Variants in CHPT1 observed in about 807,000 individuals in gnomAD.
The protein encoded by CHPT1 is cholinephosphotransferase 1.
A neutral mutation model predicts 47.6 loss-of-function variants in CHPT1; 36 were observed. The ratio of observed to expected loss-of-function variants is 0.76; its 90% CI spans 0.58 to 1.00. The LOEUF (loss-of-function observed/expected upper bound fraction) is 1.00, where lower values mean the gene tolerates loss of function less well. CHPT1 is among the 50% of genes least tolerant of loss of function. The probability of loss-of-function intolerance (pLI) is 0.00; values close to 1 mark genes in which losing one functional copy is unlikely to be tolerated. For missense variants in CHPT1, 458 were observed against 498.1 expected (o/e 0.92, Z 0.77); for synonymous variants, 194 against 186.3 (o/e 1.04, Z -0.33).
At position 101,716,668 on chromosome 12, in the gene CHPT1, C is replaced by T. The variant is rs1284115800; in HGVS notation, c.564-60C>T. The stretch of plus-strand genomic sequence containing the variant: ...CTTTGCTATTTAATATGTGATGAAC[C>T]TCCATATTCAGGAATTTTATTTACA... On this transcript the variant is annotated intron_variant, in intron 3 of 8. Coordinates refer to ENST00000229266, the MANE Select transcript of CHPT1 (RefSeq NM_020244.3). The T allele has an allele frequency of 8.7e-6, 9 of 1,033,088 alleles. No homozygotes were observed. In the East Asian group the frequency reaches 1.7e-4, roughly 20 times the overall value. The allele number at this position is 1,033,088 out of a possible 1,614,324, so 64.0% of individuals were successfully genotyped here. A position where few individuals can be genotyped will look rare whatever the true frequency, so the allele number is the denominator to read the frequency against.
intron 8 of CHPT1, 151 bp downstream of exon 8, chr12:101,726,555 C>A: frequency 8.6e-7 from 1 of 1,158,224 alleles, no homozygotes; most frequent in Non-Finnish European, 1.1e-6. Flanking sequence ...CTGTAGATTT[C>A]ATTGTGTCTT....
chr12:101,721,670 C>A (rs1425694471), intron 5 of CHPT1, among the ~76,000 whole-genome samples: 1 of 152,154 alleles, frequency 6.6e-6, no homozygotes, highest in Non-Finnish European at 1.5e-5. Flanking sequence ...CTTAGGAATA[C>A]ATGTTGCTTG....
At position 101,709,388 on chromosome 12, in the gene CHPT1, C is replaced by CAA. The variant is rs544323245; in HGVS notation, c.274-4681_274-4680dup. On this transcript the variant is annotated intron_variant, in intron 1 of 8. Transcript: ENST00000229266. ...CTGGGCAACAGAGTGAGACCTGTGT[C>CAA]AAAAAAAAAAAAAAAAAAAAAAGTC... is the stretch of plus-strand genomic sequence containing the variant. Among the ~76,000 whole-genome samples the CAA allele has an allele frequency of 4.1e-3, 293 of 71,344 alleles. 8 individuals carry two copies. The highest frequency in any genetic ancestry group is 0.019 in the East Asian group (48 of 2,484). The allele number at this position is 71,344 out of a possible 152,430, so 46.8% of individuals were successfully genotyped here. A position where few individuals can be genotyped will look rare whatever the true frequency, so the allele number is the denominator to read the frequency against.
At chr12:101,716,260 A>G (rs959013308) in intron 3 of CHPT1, among the ~76,000 whole-genome samples, 3 of 152,296 alleles carry the variant, frequency 2.0e-5, no homozygotes, top group African/African-American at 7.2e-5. Context: ...TACAGTGACT[A>G]TTAGTACCTC....
chr12:101,702,821 G>A (rs1951572918), intron 1 of CHPT1, among the ~76,000 whole-genome samples: 1 of 152,074 alleles, frequency 6.6e-6, no homozygotes, highest in Non-Finnish European at 1.5e-5. Context: ...AGATTTCCAG[G>A]AGATAGAAGC....
intron 1 of CHPT1, among the ~76,000 whole-genome samples, chr12:101,699,040 CAG>C (rs1341781145): frequency 1.4e-4 from 22 of 152,298 alleles, no homozygotes; most frequent in Middle Eastern, 3.4e-3. Flanking sequence ...GTTGGATTAA[CAG>C]AAATACAGTG....
In CHPT1 at chr12:101,716,771, GT is replaced by G. The variant is rs756930625; in HGVS notation, c.608del (p.Val203GlyfsTer18). Reference sequence around the variant, plus strand: ...TCAGATAGCTTTAGTGATTGTCTTTGTGTTGTCTGCATTTGGAGGAGCAACA... The same window carrying G: ...TCAGATAGCTTTAGTGATTGTCTTTGGTTGTCTGCATTTGGAGGAGCAACA... ...EIQIALVIVF[V>X]LSAFGGATMW... On this transcript the variant is annotated frameshift_variant, in exon 4 of 9. Transcript: ENST00000229266. LOFTEE classifies it high-confidence loss of function. The G allele has an allele frequency of 1.9e-6, 3 of 1,608,550 alleles. No individual in the cohort carries two copies. Among genetic ancestry groups the G allele is most frequent in the Admixed American group, 3.4e-5 (2 of 58,988 alleles).
intron 1 of CHPT1, among the ~76,000 whole-genome samples, chr12:101,708,393 A>G (rs1951660714): frequency 2.0e-5 from 3 of 151,950 alleles, no homozygotes; most frequent in Admixed American, 6.5e-5. Context: ...TTTGTTTTCT[A>G]GAATAAATTT....
In CHPT1 at chr12:101,697,908, C is replaced by T. The variant is rs755874310; in HGVS notation, c.47C>T (p.Ala16Val). The change falls in exon 1 of 9, where the codon GCG becomes GTG. Residue 16 changes from alanine to valine, a missense_variant. Coordinates refer to ENST00000229266, the MANE Select transcript of CHPT1 (RefSeq NM_020244.3). ...GGGTCCGCGCCGCGCTGGCTGAGGG[C>T]GCTGAGCGAGCCGCTGAGCGCGGCG... ...GAGSAPRWLR[A>V]LSEPLSAAQL... The T allele has an allele frequency of 1.4e-6, 2 of 1,385,860 alleles. No individual in the cohort carries two copies. The highest frequency in any genetic ancestry group is 2.6e-4 in the Middle Eastern group (1 of 3,814). 85.8% of individuals were successfully genotyped at this position (1,385,860 alleles called of 1,614,324 possible). A position where few individuals can be genotyped will look rare whatever the true frequency, so the allele number is the denominator to read the frequency against.
chr12:101,698,780 C>A (rs917630360), intron 1 of CHPT1, among the ~76,000 whole-genome samples: 9 of 152,182 alleles, frequency 5.9e-5, no homozygotes, highest in Admixed American at 6.5e-5. Context: ...GCAATAATTA[C>A]ATTTGACCTT....
rs1274005845 is a variant in CHPT1, at chr12:101,697,882, C to T, written c.21C>T (p.Ala7=). 9 of 1,210,648 alleles carry T rather than the reference C, an allele frequency of 7.4e-6. No individual in the cohort carries two copies. Among genetic ancestry groups the T allele is most frequent in the African/African-American group, 3.2e-5 (2 of 63,008 alleles). The allele number at this position is 1,210,648 out of a possible 1,614,324, so 75.0% of individuals were successfully genotyped here. The change falls in exon 1 of 9, where the codon GCC becomes GCT. Residue 7 remains alanine, a synonymous_variant. Transcript: ENST00000229266. The part of the protein sequence containing the change: MAAGAG[A]GSAPRWLRAL... ...CGGCCATGGCGGCAGGCGCCGGGGCCGGGTCCGCGCCGCGCTGGCTGAGGG... is the reference window on the plus strand; with the variant it reads ...CGGCCATGGCGGCAGGCGCCGGGGCTGGGTCCGCGCCGCGCTGGCTGAGGG...
intron 1 of CHPT1, among the ~76,000 whole-genome samples, chr12:101,702,152 G>C (rs553081391): frequency 2.0e-5 from 3 of 152,292 alleles, no homozygotes; most frequent in African/African-American, 7.2e-5. Context: ...TGATAACCCA[G>C]TGATTTGAAT....
At chr12:101,723,092 A>C (rs1951881913) in intron 5 of CHPT1, 76 bp from the exon 6 acceptor site, 1 of 1,347,896 alleles carries the variant, frequency 7.4e-7, no homozygotes, top group Non-Finnish European at 1.1e-6. Flanking sequence ...TGCACAAAAT[A>C]GATGGTCAGA....
At position 101,726,284 on chromosome 12, in the gene CHPT1, G is replaced by A. The variant is rs768368277; in HGVS notation, c.1066-10G>A. 8.9e-6 allele frequency: 14 copies of A among 1,567,226 alleles called. No homozygotes were observed. On this transcript the variant is annotated splice_polypyrimidine_tract_variant and intron_variant, in intron 7 of 8. Transcript: ENST00000229266. ...TAATCGATTTTATATTTTCTTTTTT[G>A]CTTCTAAAGGTGATTTCTTCATTTG...
chr12:101,699,409 A>T (rs200387731), intron 1 of CHPT1, among the ~76,000 whole-genome samples: 3 of 140,720 alleles, frequency 2.1e-5, no homozygotes, highest in South Asian at 2.2e-4. Context: ...TTTTTTTGAG[A>T]CAGAGTCTCG....
intron 4 of CHPT1, 118 bp from the exon 5 acceptor site, chr12:101,719,994 CAGAAGTTAAGG>C: frequency 1.9e-6 from 1 of 515,060 alleles, no homozygotes; most frequent in Non-Finnish European, 3.1e-6. Flanking sequence ...GATTATATTC[CAGAAGTTAAGG>C]TTTGATCACA....
At chr12:101,701,981 G>A (rs1951560459) in intron 1 of CHPT1, among the ~76,000 whole-genome samples, 1 of 152,126 alleles carries the variant, frequency 6.6e-6, no homozygotes, top group African/African-American at 2.4e-5. Context: ...CAAGAACTTT[G>A]TCTCCTCACT....
At chr12:101,700,493 C>T (rs1215602043) in intron 1 of CHPT1, among the ~76,000 whole-genome samples, 2 of 152,122 alleles carry the variant, frequency 1.3e-5, no homozygotes, top group African/African-American at 4.8e-5. Context: ...AGGGGAAACG[C>T]CATTACAGGA....
chr12:101,709,299 T>G lies in CHPT1; in HGVS notation c.274-4791T>G, dbSNP rs1342741472. Among the ~76,000 whole-genome samples, 3 of 142,524 alleles carry G rather than the reference T, an allele frequency of 2.1e-5. No individual in the cohort carries two copies. In the Admixed American group the frequency reaches 2.2e-4, roughly 11 times the overall value. The allele number at this position is 142,524 out of a possible 152,430, so 93.5% of individuals were successfully genotyped here. A position where few individuals can be genotyped will look rare whatever the true frequency, so the allele number is the denominator to read the frequency against. ...GTAGTGTCCTAGCTACTGAGGAGGCTGAGGTGGGAGGATTGCATGAACCCA... is the reference window on the plus strand; with the variant it reads ...GTAGTGTCCTAGCTACTGAGGAGGCGGAGGTGGGAGGATTGCATGAACCCA... On this transcript the variant is annotated intron_variant, in intron 1 of 8. Transcript: ENST00000229266.
Sources: gnomAD v4.1 joint callset for allele counts (sites outside exome capture counted in the v4.1 genomes callset) on GRCh38, gnomAD v4.1.1 for gene constraint, MANE v1.5 for transcripts, NCBI Gene and HGNC (gene_info 2026-07-23, HGNC 2026-07-21) for gene names.